The following GNPAT variants were observed in gnomAD, a reference collection of about 807,000 sequenced individuals.
GNPAT encodes the protein dihydroxyacetone phosphate acyltransferase.
In GNPAT, 30 loss-of-function variants were observed where a neutral mutation model predicts 78.4. The ratio of observed to expected loss-of-function variants is 0.38; its 90% CI spans 0.29 to 0.52. The LOEUF is 0.52. Among genes scored for constraint, GNPAT ranks in the 20% least tolerant of loss-of-function variants. GNPAT has a pLI of 0.84. For missense variants in GNPAT, 714 were observed against 812.2 expected, an observed-to-expected ratio of 0.88 and a Z score of 1.47; for synonymous variants, 271 against 281.1, an observed-to-expected ratio of 0.96 and a Z score of 0.36.
At chr1:231,270,629 G>T in intron 9 of GNPAT, 129 bp from the exon 10 acceptor site, 1 of 877,930 alleles carries the variant, frequency 1.1e-6, no homozygotes, top group Non-Finnish European at 1.9e-6. Flanking sequence ...TACCGTAATT[G>T]GTAGACAGTA....
Position 231,262,767 on chromosome 1 carries a change from T to A in GNPAT, c.483T>A (p.Ser161Arg). 6.2e-7 allele frequency: 1 copy of A among 1,607,138 alleles called. No homozygotes were observed. The highest frequency in any genetic ancestry group is 8.5e-7 in the Non-Finnish European group (1 of 1,173,644). ...IQEHPVVLLP[S>R]HRSYIDFLML... is the part of the protein sequence containing the mutation. ...AGCATCCTGTTGTTCTGCTGCCTAG[T>A]CATCGAAGTTACATTGACTTCCTCA... The change falls in exon 4 of 16, where the codon AGT (serine) becomes AGA (arginine). Residue 161 changes from serine to arginine, a missense_variant. Ser to Arg is a moderately radical substitution (Grantham distance 110). Transcript: ENST00000366647.
chr1:231,256,326 G>A (rs1385182328), intron 2 of GNPAT, among the ~76,000 whole-genome samples: 1 of 150,876 alleles, frequency 6.6e-6, no homozygotes, highest in Non-Finnish European at 1.5e-5. Context: ...AGGTGTCTAA[G>A]ATATATTACC....
intron 1 of GNPAT, among the ~76,000 whole-genome samples, chr1:231,242,746 TTTTG>T (rs745762630): frequency 5.9e-5 from 9 of 152,158 alleles, no homozygotes; most frequent in Non-Finnish European, 1.0e-4. Flanking sequence ...AAGGAGTTGG[TTTTG>T]TTTGTTTGTT....
chr1:231,254,502 C>T (rs1443822438), intron 2 of GNPAT, among the ~76,000 whole-genome samples: 2 of 151,672 alleles, frequency 1.3e-5, no homozygotes, highest in Non-Finnish European at 2.9e-5. Context: ...AGGGCAGTGG[C>T]GCGATCTCGG....
intron 11 of GNPAT, 42 bp from the exon 12 acceptor site, chr1:231,273,880 C>T (rs1241123048): frequency 1.9e-6 from 3 of 1,548,110 alleles, no homozygotes; most frequent in East Asian, 2.2e-5. Flanking sequence ...GCACTATACC[C>T]ATTAACCTAG....
intron 1 of GNPAT, among the ~76,000 whole-genome samples, chr1:231,243,735 G>A (rs980643248): frequency 6.6e-6 from 1 of 152,132 alleles, no homozygotes; most frequent in African/African-American, 2.4e-5. Flanking sequence ...AGATTTGGGT[G>A]GAAGAAAGGA....
intron 2 of GNPAT, among the ~76,000 whole-genome samples, chr1:231,257,710 G>A (rs143052713): frequency 0.011 from 1,729 of 152,160 alleles, 21 homozygotes; most frequent in Non-Finnish European, 0.019. Context: ...CTATAGCTTG[G>A]TGGTATCCAG....
chr1:231,261,736 T>G (rs1022979900), intron 3 of GNPAT, among the ~76,000 whole-genome samples: 1 of 152,246 alleles, frequency 6.6e-6, no homozygotes, highest in Admixed American at 6.5e-5. Flanking sequence ...AAATGATGAC[T>G]TTTCTAATTT....
Position 231,265,356 on chromosome 1 carries a change from G to C in GNPAT, c.632G>C (p.Arg211Pro), listed in dbSNP as rs121434439. 1 of 1,609,372 alleles carries C rather than the reference G, an allele frequency of 6.2e-7. No individual in the cohort carries two copies. The highest frequency in any genetic ancestry group is 2.2e-5 in the East Asian group (1 of 44,852). The change falls in exon 5 of 16, where the codon CGT becomes CCT. Residue 211 changes from arginine to proline, a missense_variant. Transcript: ENST00000366647. ...LRMSGAFFMR[R>P]TFGGNKLYWA... is the part of the protein sequence containing the mutation. ...ATGTCGGGTGCCTTTTTCATGCGGC[G>C]TACCTTTGGTGGCAATAAACTCTAC...
intron 2 of GNPAT, among the ~76,000 whole-genome samples, chr1:231,254,102 A>G (rs775080873): frequency 1.3e-5 from 2 of 152,196 alleles, no homozygotes; most frequent in Non-Finnish European, 2.9e-5. Context: ...ATGAGCCACC[A>G]TGCCCAGCCT....
intron 12 of GNPAT, chr1:231,274,778 T>G (rs1339370180): frequency 8.5e-6 from 2 of 234,320 alleles, no homozygotes; most frequent in Non-Finnish European, 1.7e-5. Flanking sequence ...AGTCTAGCAC[T>G]TACTGAGCAT....
At chr1:231,276,103 A>G in intron 14 of GNPAT, 32 bp from the exon 15 acceptor site, 2 of 910,456 alleles carry the variant, frequency 2.2e-6, no homozygotes, top group South Asian at 2.7e-5. Flanking sequence ...CCCAGAGTTT[A>G]TGTAATAATA....
chr1:231,264,620 T>C (rs1377534350), intron 4 of GNPAT, among the ~76,000 whole-genome samples: 1 of 152,222 alleles, frequency 6.6e-6, no homozygotes, highest in African/African-American at 2.4e-5. Flanking sequence ...ATTTGAAAAC[T>C]AGGGGAAATG....
intron 12 of GNPAT, chr1:231,274,924 T>G: frequency 3.0e-6 from 1 of 331,040 alleles, no homozygotes; most frequent in Non-Finnish European, 5.7e-6. Flanking sequence ...TCTTCCCAAG[T>G]AGCATAAGAG....
chr1:231,276,492 A>G (rs1470307262), intron 15 of GNPAT, among the ~76,000 whole-genome samples: 4 of 152,230 alleles, frequency 2.6e-5, no homozygotes, highest in African/African-American at 7.2e-5. Context: ...CTTGCCTCAG[A>G]GAGAGTACCT....
In GNPAT at chr1:231,261,211, G is replaced by A. The variant is rs928658962; in HGVS notation, c.438+528G>A. ...ATGTCCTGTCTAGCTAAAGAAAATC[G>A]TAGCTCATGTGTTGCGCTAGAAATC... On this transcript the variant is annotated intron_variant, in intron 3 of 15. Transcript: ENST00000366647. Among the ~76,000 whole-genome samples, 3 of 152,152 alleles carry A rather than the reference G, an allele frequency of 2.0e-5. No homozygotes were observed. The East Asian group carries it at 5.8e-4, about 29-fold the overall frequency.
At chr1:231,259,813 T>C (rs1204520464) in intron 2 of GNPAT, among the ~76,000 whole-genome samples, 2 of 152,176 alleles carry the variant, frequency 1.3e-5, no homozygotes, top group Non-Finnish European at 2.9e-5. Context: ...GCATAAGGAT[T>C]ACTTATCCTA....
At chr1:231,270,381 C>A (rs1294929514) in intron 9 of GNPAT, among the ~76,000 whole-genome samples, 1 of 152,044 alleles carries the variant, frequency 6.6e-6, no homozygotes, top group East Asian at 1.9e-4. Context: ...TCTTAGTATT[C>A]TTACATTCCC....
chr1:231,265,640 G>T (rs1457861598), intron 5 of GNPAT, 72 bp from the exon 6 acceptor site: 2 of 987,570 alleles, frequency 2.0e-6, no homozygotes, highest in East Asian at 2.4e-5. Context: ...TTGGGAAAAG[G>T]AATCAAAAGA....
Sources: gnomAD v4.1 joint callset for allele counts (sites outside exome capture counted in the v4.1 genomes callset) on GRCh38, gnomAD v4.1.1 for gene constraint, MANE v1.5 for transcripts, NCBI Gene and HGNC (gene_info 2026-07-23, HGNC 2026-07-21) for gene names.